The following TGFBR2 variants were observed in gnomAD, a reference collection of about 807,000 sequenced individuals.
TGFBR2 encodes the protein TGF-beta receptor type-2.
A neutral mutation model predicts 49.0 loss-of-function variants in TGFBR2; 18 were observed. The observed-to-expected ratio is 0.37, with a 90% CI of 0.25 to 0.54. TGFBR2 has a LOEUF of 0.54. Ranked by LOEUF, TGFBR2 falls within the 20% of genes least tolerant of loss-of-function variation. The pLI is 0.85. For missense variants in TGFBR2, 525 were observed against 722.6 expected, an observed-to-expected ratio of 0.73 and a Z score of 3.13; for synonymous variants, 282 against 275.9, an observed-to-expected ratio of 1.02 and a Z score of -0.22.
In TGFBR2 at chr3:30,671,631, C is replaced by T; in HGVS notation, c.455-7C>T. On this transcript the variant is annotated splice_region_variant and splice_polypyrimidine_tract_variant and intron_variant, in intron 3 of 6. Transcript: ENST00000295754. ...CTCCTTCTCTCCTTGTTTTGTTTCC[C>T]CATCAGAATATAACACCAGCAATCC... The T allele has an allele frequency of 1.2e-6, 2 of 1,614,162 alleles. No homozygotes were observed. The highest frequency in any genetic ancestry group is 1.7e-6 in the Non-Finnish European group (2 of 1,180,016).
Position 30,685,839 on chromosome 3 carries a change from C to T in TGFBR2, c.1397-2545C>T, listed in dbSNP as rs1263018835. Among the ~76,000 whole-genome samples the T allele has an allele frequency of 8.5e-5, 13 of 152,342 alleles. 1 individual carries two copies. The highest frequency in any genetic ancestry group is 6.8e-3 in the Middle Eastern group (2 of 294). On this transcript the variant is annotated intron_variant, in intron 5 of 6. Transcript: ENST00000295754. ...CCTAGCTTGGTCAAGGGGACCTTGG[C>T]AGGCACCAACTGCAGCTGCTACATA...
chr3:30,688,379 C>T lies in TGFBR2; in HGVS notation c.1397-5C>T, dbSNP rs2125451556. ...TGACCCTGTGTTTGCTGGCTTTCTT[C>T]ACAGAAGTAAAAGATTATGAGCCTC... On this transcript the variant is annotated splice_region_variant and splice_polypyrimidine_tract_variant and intron_variant, in intron 5 of 6. Coordinates refer to ENST00000295754, the MANE Select transcript of TGFBR2 (RefSeq NM_003242.6). 3 of 1,614,182 alleles carry T rather than the reference C, an allele frequency of 1.9e-6. No individual in the cohort carries two copies. Among genetic ancestry groups the T allele is most frequent in the Non-Finnish European group, 2.5e-6 (3 of 1,179,992 alleles).
At position 30,691,461 on chromosome 3, in the gene TGFBR2, C is replaced by T. The variant is rs1356734619; in HGVS notation, c.1566C>T (p.Asp522=). The T allele has an allele frequency of 2.5e-6, 4 of 1,614,102 alleles. No homozygotes were observed. Among genetic ancestry groups the T allele is most frequent in the Non-Finnish European group, 3.4e-6 (4 of 1,179,984 alleles). ...GTGAGACGTTGACTGAGTGCTGGGACCACGACCCAGAGGCCCGTCTCACAG... is the reference window on the plus strand; with the variant it reads ...GTGAGACGTTGACTGAGTGCTGGGATCACGACCCAGAGGCCCGTCTCACAG... ...MVCETLTECW[D]HDPEARLTAQ... Residue 522 remains aspartate, a synonymous_variant, in exon 7 of 7, where the codon GAC becomes GAT. Coordinates refer to ENST00000295754, the MANE Select transcript of TGFBR2 (RefSeq NM_003242.6).
At chr3:30,612,532 C>A (rs1698048118) in intron 1 of TGFBR2, among the ~76,000 whole-genome samples, 1 of 152,156 alleles carries the variant, frequency 6.6e-6, no homozygotes, top group South Asian at 2.1e-4. Context: ...TCCTTCCTGA[C>A]TACATTTGTA....
chr3:30,636,320 A>G (rs770899308), intron 1 of TGFBR2, among the ~76,000 whole-genome samples: 2 of 152,128 alleles, frequency 1.3e-5, no homozygotes, highest in Non-Finnish European at 2.9e-5. Context: ...GACAGGTTTT[A>G]AAAACTATAT....
At chr3:30,646,157 C>T (rs377378289) in intron 2 of TGFBR2, among the ~76,000 whole-genome samples, 1 of 152,074 alleles carries the variant, frequency 6.6e-6, no homozygotes, top group Non-Finnish European at 1.5e-5. Context: ...CATTTGAGAC[C>T]CCTAGACCAT....
At chr3:30,648,813 C>A (rs1698825267) in intron 2 of TGFBR2, among the ~76,000 whole-genome samples, 1 of 152,144 alleles carries the variant, frequency 6.6e-6, no homozygotes, top group Non-Finnish European at 1.5e-5. Context: ...TGGCACCATT[C>A]CTGCCTGGAT....
intron 5 of TGFBR2, among the ~76,000 whole-genome samples, chr3:30,675,220 A>G (rs1002691383): frequency 1.3e-5 from 2 of 152,114 alleles, no homozygotes; most frequent in East Asian, 3.9e-4. Flanking sequence ...AAGCAGCCCA[A>G]CGCAAGCTCT....
intron 2 of TGFBR2, among the ~76,000 whole-genome samples, chr3:30,646,776 G>C (rs1320656650): frequency 6.6e-6 from 1 of 151,990 alleles, no homozygotes; most frequent in Non-Finnish European, 1.5e-5. Flanking sequence ...ACGGTGGTGT[G>C]AGCACTTGCT....
intron 5 of TGFBR2, among the ~76,000 whole-genome samples, chr3:30,683,901 C>CCCATTG (rs1252176088): frequency 6.6e-6 from 1 of 152,138 alleles, no homozygotes; most frequent in Non-Finnish European, 1.5e-5. Flanking sequence ...ACCATTGGTA[C>CCCATTG]CCACCTGGCT....
intron 1 of TGFBR2, among the ~76,000 whole-genome samples, chr3:30,643,561 T>A (rs1698680138): frequency 6.6e-6 from 1 of 152,224 alleles, no homozygotes; most frequent in Non-Finnish European, 1.5e-5. Flanking sequence ...ATAATCACAT[T>A]CCTCTCTAAT....
intron 1 of TGFBR2, among the ~76,000 whole-genome samples, chr3:30,640,565 T>C (rs1698625397): frequency 6.6e-6 from 1 of 152,226 alleles, no homozygotes. Flanking sequence ...ATGTAAATTC[T>C]ATGTAAATAG....
At chr3:30,647,017 C>T (rs996421203) in intron 2 of TGFBR2, among the ~76,000 whole-genome samples, 1 of 152,062 alleles carries the variant, frequency 6.6e-6, no homozygotes, top group African/African-American at 2.4e-5. Context: ...GAAAATTCTC[C>T]CGTGAAGCCA....
At chr3:30,640,520 T>C (rs1016728031) in intron 1 of TGFBR2, among the ~76,000 whole-genome samples, 5 of 152,194 alleles carry the variant, frequency 3.3e-5, no homozygotes, top group Non-Finnish European at 5.9e-5. Flanking sequence ...TCCCATATCC[T>C]TTAAATCATC....
intron 1 of TGFBR2, among the ~76,000 whole-genome samples, chr3:30,613,772 G>A (rs1171564656): frequency 6.6e-6 from 1 of 152,218 alleles, no homozygotes; most frequent in African/African-American, 2.4e-5. Flanking sequence ...ATATTTGTCA[G>A]TCTAGGTAGA....
chr3:30,674,383 A>AAATAGTTCTGGGATG, intron 5 of TGFBR2, 137 bp downstream of exon 5: 2 of 1,221,086 alleles, frequency 1.6e-6, no homozygotes, highest in Non-Finnish European at 2.4e-6. Flanking sequence ...CAACCATCCC[A>AAATAGTTCTGGGATG]GAACTATTTG....
intron 1 of TGFBR2, among the ~76,000 whole-genome samples, chr3:30,624,352 T>C: frequency 6.6e-6 from 1 of 152,110 alleles, no homozygotes; most frequent in Admixed American, 6.5e-5. Context: ...GCACGGTGGC[T>C]CACACCTGTA....
At chr3:30,627,885 T>C (rs1053857907) in intron 1 of TGFBR2, among the ~76,000 whole-genome samples, 4 of 152,204 alleles carry the variant, frequency 2.6e-5, no homozygotes, top group Middle Eastern at 3.4e-3. Flanking sequence ...TGGAGCATCA[T>C]TAAAGTCCCC....
intron 1 of TGFBR2, among the ~76,000 whole-genome samples, chr3:30,631,540 G>A (rs1157364950): frequency 1.3e-5 from 2 of 151,856 alleles, no homozygotes; most frequent in African/African-American, 4.8e-5. Flanking sequence ...CCAGTTTAAG[G>A]GCAGATTCTC....
Sources: allele counts gnomAD v4.1 joint callset (sites outside exome capture counted in the v4.1 genomes callset), GRCh38; gene constraint gnomAD v4.1.1; transcripts MANE v1.5; gene names NCBI Gene and HGNC (gene_info 2026-07-23, HGNC 2026-07-21).